Variants in PEAK1 observed in about 807,000 individuals in gnomAD.
PEAK1 encodes the protein inactive tyrosine-protein kinase PEAK1.
PEAK1 carries 54 observed loss-of-function variants against 124.7 expected under a neutral mutation model. The ratio of observed to expected loss-of-function variants is 0.43; its 90% confidence interval spans 0.35 to 0.54. The LOEUF (loss-of-function observed/expected upper bound fraction) is 0.54, where lower values mean the gene tolerates loss of function less well. PEAK1 is among the 20% of genes least tolerant of loss of function. PEAK1 has a pLI of 0.01. For missense variants in PEAK1, 2,046 were observed against 2,134.5 expected (o/e 0.96, Z 0.82); for synonymous variants, 719 against 760.0 (o/e 0.95, Z 0.89).
intron 2 of PEAK1, chr15:77,334,505 C>G (rs934401195): frequency 2.0e-6 from 2 of 985,394 alleles, no homozygotes; most frequent in Non-Finnish European, 2.4e-6. Flanking sequence ...CTTCCACTCA[C>G]GACCCAGGCA....
chr15:77,132,291 C>T (rs1226760222), intron 9 of PEAK1, among the ~76,000 whole-genome samples: 1 of 151,610 alleles, frequency 6.6e-6, no homozygotes, highest in African/African-American at 2.4e-5. Context: ...CACCACGTTG[C>T]CTAGGCTGGT....
At chr15:77,149,941 G>A (rs147571010) in intron 8 of PEAK1, among the ~76,000 whole-genome samples, 94 of 152,090 alleles carry the variant, frequency 6.2e-4, no homozygotes, top group Non-Finnish European at 9.6e-4. Flanking sequence ...GTAGAGATGG[G>A]GTTTTGCCAT....
chr15:77,262,966 G>A lies in PEAK1; in HGVS notation c.-274-10440C>T, dbSNP rs552346971. On this transcript the variant is annotated intron_variant, in intron 5 of 9. Coordinates refer to ENST00000682557, the MANE Select transcript of PEAK1 (RefSeq NM_001385026.1). ...TAAGAAACTCACTCAAAACCACTCAGCTACATGGAAACTGAACAACCTGCT... is the reference window on the plus strand; with the variant it reads ...TAAGAAACTCACTCAAAACCACTCAACTACATGGAAACTGAACAACCTGCT... Among the ~76,000 whole-genome samples, 11 of 152,168 alleles carry A rather than the reference G, an allele frequency of 7.2e-5. No homozygotes were observed. In the East Asian group the frequency reaches 1.2e-3, roughly 16 times the overall value.
chr15:77,324,517 T>C (rs4886859), intron 2 of PEAK1, among the ~76,000 whole-genome samples: 5,343 of 152,208 alleles, frequency 0.035, 133 homozygotes, highest in Non-Finnish European at 0.053. Flanking sequence ...AACAATGTAT[T>C]AGGCTGTTCT....
chr15:77,359,721 A>G (rs2067760772), intron 2 of PEAK1, among the ~76,000 whole-genome samples: 1 of 152,210 alleles, frequency 6.6e-6, no homozygotes, highest in Non-Finnish European at 1.5e-5. Context: ...GTACTTAGGA[A>G]TAAATTTAAC....
At chr15:77,173,041 A>G (rs1401335634) in intron 7 of PEAK1, among the ~76,000 whole-genome samples, 1 of 152,194 alleles carries the variant, frequency 6.6e-6, no homozygotes, top group African/African-American at 2.4e-5. Context: ...GGCATGAGCC[A>G]CTGTGTCTGG....
At chr15:77,138,936 T>G (rs544124487) in intron 8 of PEAK1, among the ~76,000 whole-genome samples, 1 of 152,352 alleles carries the variant, frequency 6.6e-6, no homozygotes, top group South Asian at 2.1e-4. Context: ...AAAACTTTTT[T>G]TTTTATAAAC....
intron 6 of PEAK1, among the ~76,000 whole-genome samples, chr15:77,211,509 G>C (rs1289664563): frequency 1.3e-5 from 2 of 152,042 alleles, no homozygotes; most frequent in Non-Finnish European, 2.9e-5. Flanking sequence ...CAAATGCTGA[G>C]CAAAATAAAA....
intron 1 of PEAK1, among the ~76,000 whole-genome samples, chr15:77,376,958 A>G (rs1452095837): frequency 6.6e-6 from 1 of 152,252 alleles, no homozygotes; most frequent in East Asian, 1.9e-4. Context: ...CTGTATTTAC[A>G]CAAACCTATA....
chr15:77,155,572 G>T (rs1481328604), intron 8 of PEAK1: 2 of 152,182 alleles, frequency 1.3e-5, no homozygotes, highest in Non-Finnish European at 2.9e-5. Context: ...GCTTTTTAGA[G>T]TTTCCAGTTT....
chr15:77,203,225 AAG>A (rs2058458058), intron 6 of PEAK1, among the ~76,000 whole-genome samples: 1 of 152,038 alleles, frequency 6.6e-6, no homozygotes, highest in Non-Finnish European at 1.5e-5. Flanking sequence ...AAGGGGACGT[AAG>A]AGAGGCAGGC....
chr15:77,252,638 T>C (rs2060931339), intron 5 of PEAK1, 112 bp from the exon 6 acceptor site: 1 of 618,084 alleles, frequency 1.6e-6, no homozygotes, highest in African/African-American at 2.0e-5. Context: ...TTATAATTCA[T>C]CTAATTCATT....
At chr15:77,334,163 T>A in intron 2 of PEAK1, 2 of 960,922 alleles carry the variant, frequency 2.1e-6, no homozygotes, top group Non-Finnish European at 2.5e-6. Flanking sequence ...AGTTTCCAAC[T>A]AGGTATTCCT....
chr15:77,255,524 T>G, intron 5 of PEAK1: 1 of 289,636 alleles, frequency 3.5e-6, no homozygotes, highest in Non-Finnish European at 5.2e-6. Flanking sequence ...AGAAAAATAT[T>G]CCCAAAATAT....
intron 2 of PEAK1, among the ~76,000 whole-genome samples, chr15:77,296,524 G>A (rs1419192690): frequency 6.6e-6 from 1 of 151,592 alleles, no homozygotes; most frequent in Non-Finnish European, 1.5e-5. Flanking sequence ...TGAGGCAGGA[G>A]AATTGCTTGA....
At chr15:77,244,081 T>C (rs1401440725) in intron 6 of PEAK1, among the ~76,000 whole-genome samples, 1 of 152,190 alleles carries the variant, frequency 6.6e-6, no homozygotes, top group Non-Finnish European at 1.5e-5. Context: ...GACTCCTTTA[T>C]GAAAAAAATT....
At chr15:77,191,845 G>T (rs1674188999) in intron 6 of PEAK1, among the ~76,000 whole-genome samples, 2 of 152,196 alleles carry the variant, frequency 1.3e-5, no homozygotes, top group Non-Finnish European at 2.9e-5. Context: ...GAATTAACAA[G>T]CAGGGGCTGA....
At chr15:77,335,158 G>A (rs1450116582) in intron 2 of PEAK1, 1 of 985,316 alleles carries the variant, frequency 1.0e-6, no homozygotes, top group Non-Finnish European at 1.2e-6. Flanking sequence ...ACTGTGCTTT[G>A]TAGGAACATG....
chr15:77,174,226 T>C (rs2056701915), intron 7 of PEAK1, among the ~76,000 whole-genome samples: 1 of 152,230 alleles, frequency 6.6e-6, no homozygotes, highest in Admixed American at 6.5e-5. Flanking sequence ...TGAAGGGCTC[T>C]ATAAAGTTCC....
Sources: gnomAD v4.1 joint callset for allele counts (sites outside exome capture counted in the v4.1 genomes callset) on GRCh38, gnomAD v4.1.1 for gene constraint, MANE v1.5 for transcripts, NCBI Gene and HGNC (gene_info 2026-07-23, HGNC 2026-07-21) for gene names.